Variants in DGKB observed in about 807,000 individuals in gnomAD.
DGKB encodes 90 kDa diacylglycerol kinase.
A neutral mutation model predicts 114.3 loss-of-function variants in DGKB; 67 were observed. That is an observed-to-expected ratio of 0.59 (90% confidence interval 0.48 to 0.72). DGKB has a LOEUF of 0.72. Among genes scored for constraint, DGKB ranks in the 30% least tolerant of loss-of-function variants. The probability of loss-of-function intolerance (pLI) is 0.00; values close to 1 mark genes in which losing one functional copy is unlikely to be tolerated. For missense variants in DGKB, 907 were observed against 975.2 expected, an observed-to-expected ratio of 0.93 and a Z score of 0.93; for synonymous variants, 398 against 323.1, an observed-to-expected ratio of 1.23 and a Z score of -2.49.
At chr7:14,786,799 A>C (rs1264304687) in intron 2 of DGKB, among the ~76,000 whole-genome samples, 1 of 152,226 alleles carries the variant, frequency 6.6e-6, no homozygotes, top group African/African-American at 2.4e-5. Flanking sequence ...CACGGCAGGG[A>C]AGCCAAGGGG....
At chr7:14,718,484 T>G in intron 6 of DGKB, 58 bp downstream of exon 6, 2 of 1,491,772 alleles carry the variant, frequency 1.3e-6, no homozygotes, top group Non-Finnish European at 1.8e-6. Flanking sequence ...TTAATCAATA[T>G]CCAGTCCTTT....
At chr7:14,778,016 C>A (rs1214300244) in intron 2 of DGKB, among the ~76,000 whole-genome samples, 2 of 152,126 alleles carry the variant, frequency 1.3e-5, no homozygotes, top group Non-Finnish European at 1.5e-5. Context: ...GTAAAAATGT[C>A]ACATTAATTC....
chr7:14,270,550 G>A (rs998377960), intron 23 of DGKB, among the ~76,000 whole-genome samples: 1 of 152,160 alleles, frequency 6.6e-6, no homozygotes, highest in Non-Finnish European at 1.5e-5. Context: ...CCTTTCAAAT[G>A]TCAGTTATTG....
At chr7:14,324,908 C>T (rs1179443907) in intron 23 of DGKB, among the ~76,000 whole-genome samples, 3 of 152,160 alleles carry the variant, frequency 2.0e-5, no homozygotes, top group Non-Finnish European at 4.4e-5. Flanking sequence ...AATCATAGAA[C>T]TCTTTCAACC....
chr7:14,903,893 C>G (rs1161049668), upstream of DGKB, among the ~76,000 whole-genome samples: 1 of 152,066 alleles, frequency 6.6e-6, no homozygotes, highest in African/African-American at 2.4e-5. Flanking sequence ...ACATAGAAGT[C>G]CCGTGGTTGC....
At chr7:14,891,491 T>C (rs984589916) in intron 1 of DGKB, among the ~76,000 whole-genome samples, 1 of 151,390 alleles carries the variant, frequency 6.6e-6, no homozygotes, top group Non-Finnish European at 1.5e-5. Flanking sequence ...AAAGAATGAA[T>C]ACTTTAAGCA....
intron 20 of DGKB, among the ~76,000 whole-genome samples, chr7:14,512,018 A>T (rs1700641362): frequency 6.6e-6 from 1 of 152,114 alleles, no homozygotes; most frequent in African/African-American, 2.4e-5. Context: ...CAAAGCAGAT[A>T]TAATAATGAA....
At chr7:14,355,286 T>C (rs1281330263) in intron 21 of DGKB, among the ~76,000 whole-genome samples, 1 of 152,210 alleles carries the variant, frequency 6.6e-6, no homozygotes, top group Non-Finnish European at 1.5e-5. Context: ...TCTTGCCTGA[T>C]TGCCCTGGCC....
At chr7:14,857,777 T>A (rs751081861) in intron 1 of DGKB, among the ~76,000 whole-genome samples, 1 of 152,072 alleles carries the variant, frequency 6.6e-6, no homozygotes, top group Non-Finnish European at 1.5e-5. Flanking sequence ...CATTTTTCAG[T>A]TGGTGGTACT....
At chr7:14,214,322 C>T (rs1055477607) in intron 23 of DGKB, among the ~76,000 whole-genome samples, 10 of 152,008 alleles carry the variant, frequency 6.6e-5, no homozygotes, top group South Asian at 4.1e-4. Context: ...GGATATGGCA[C>T]GCTCTTTCTT....
chr7:14,699,069 T>C (rs1306497069), intron 7 of DGKB, among the ~76,000 whole-genome samples: 2 of 151,944 alleles, frequency 1.3e-5, no homozygotes, highest in African/African-American at 4.8e-5. Context: ...AAACAGATTC[T>C]CTTTTGGGAA....
chr7:14,176,234 C>G, intron 25 of DGKB: 6 of 658,852 alleles, frequency 9.1e-6, no homozygotes, highest in Non-Finnish European at 1.1e-5. Flanking sequence ...CTCCCAGTGC[C>G]AAAAGCAGTT....
Position 14,896,783 on chromosome 7 carries a change from C to T in DGKB, c.-188+5809G>A, listed in dbSNP as rs145332004. 2.0e-3 allele frequency among the ~76,000 whole-genome samples: 306 copies of T among 151,710 alleles called. 3 individuals carry two copies. The highest frequency in any genetic ancestry group is 7.1e-3 in the African/African-American group (293 of 41,472). The stretch of plus-strand genomic sequence containing the variant: ...GGATTTTACATCCAGACAGTTTGAA[C>T]GCAGAAAGTAAGTTTCAAGTCCTAT... On this transcript the variant is annotated intron_variant, in intron 1 of 25. Coordinates refer to ENST00000402815, the MANE Select transcript of DGKB (RefSeq NM_001350709.2).
At position 14,212,722 on chromosome 7, in the gene DGKB, T is replaced by C. The variant is rs1231603554; in HGVS notation, c.2123-34571A>G. 4.6e-5 allele frequency among the ~76,000 whole-genome samples: 7 copies of C among 152,088 alleles called. No individual in the cohort carries two copies. In the East Asian group the frequency reaches 1.2e-3, roughly 25 times the overall value. On this transcript the variant is annotated intron_variant, in intron 23 of 25. Coordinates refer to ENST00000402815, the MANE Select transcript of DGKB (RefSeq NM_001350709.2). ...TCATTCAACATCTGAATCTAATACT[T>C]CTGAATCTAACTCATCGTTCTCTTT... is the stretch of plus-strand genomic sequence containing the variant.
intron 12 of DGKB, among the ~76,000 whole-genome samples, chr7:14,677,823 A>G (rs1820138362): frequency 2.0e-5 from 3 of 152,068 alleles, no homozygotes; most frequent in Non-Finnish European, 4.4e-5. Context: ...CTGGTTGCCT[A>G]ATTATCAGAA....
chr7:14,431,791 T>C (rs1402748774), intron 21 of DGKB, among the ~76,000 whole-genome samples: 1 of 152,154 alleles, frequency 6.6e-6, no homozygotes. Flanking sequence ...TATATATTGA[T>C]TCATATGAGA....
intron 20 of DGKB, among the ~76,000 whole-genome samples, chr7:14,505,173 G>A (rs951473628): frequency 6.6e-6 from 1 of 152,140 alleles, no homozygotes; most frequent in African/African-American, 2.4e-5. Context: ...GACTAAACTT[G>A]GCCAGCTGCA....
intron 21 of DGKB, among the ~76,000 whole-genome samples, chr7:14,419,177 G>C (rs953619308): frequency 6.6e-6 from 1 of 151,672 alleles, no homozygotes; most frequent in Admixed American, 6.6e-5. Flanking sequence ...CTGTAATTAC[G>C]TATGAAGAAA....
intron 23 of DGKB, among the ~76,000 whole-genome samples, chr7:14,323,431 C>T (rs780032741): frequency 5.3e-5 from 8 of 152,028 alleles, no homozygotes; most frequent in Non-Finnish European, 8.8e-5. Context: ...TTTATGACAG[C>T]GTTCAGTTTC....
Sources: gnomAD v4.1 joint callset for allele counts (sites outside exome capture counted in the v4.1 genomes callset) on GRCh38, gnomAD v4.1.1 for gene constraint, MANE v1.5 for transcripts, NCBI Gene and HGNC (gene_info 2026-07-23, HGNC 2026-07-21) for gene names.